ELFN1: variants seen among roughly 807,000 people sequenced by gnomAD.
The protein encoded by ELFN1 is extracellular leucine rich repeat and fibronectin type III domain containing 1.
Under a neutral mutation model 7.6 loss-of-function variants are expected in ELFN1, and 6 were observed. That is an observed-to-expected ratio of 0.79 (90% CI 0.43 to 1.56). The LOEUF (loss-of-function observed/expected upper bound fraction) is 1.56. ELFN1 is among the 40% of genes most tolerant of loss of function. The probability of loss-of-function intolerance (pLI) is 0.01; values close to 1 mark genes in which losing one functional copy is unlikely to be tolerated. For synonymous variants in ELFN1, 657 were observed against 588.1 expected, an observed-to-expected ratio of 1.12 and a Z score of -1.70; for missense variants, 1,169 against 1,232.2, an observed-to-expected ratio of 0.95 and a Z score of 0.77.
At position 1,745,292 on chromosome 7, in the gene ELFN1, G is replaced by A. The variant is rs1248868507; in HGVS notation, c.696G>A (p.Leu232=). 3 of 1,538,616 alleles carry A rather than the reference G, an allele frequency of 1.9e-6. No homozygotes were observed. Among genetic ancestry groups the A allele is most frequent in the Admixed American group, 2.0e-5 (1 of 51,000 alleles). Residue 232 remains leucine (L), a synonymous_variant, in exon 4 of 4, where the codon CTG becomes CTA. Transcript: ENST00000424383. ...SPPVYSGYYL[L]GQGRRGHRSI... is the part of the protein sequence containing the mutation. ...CCGTCTACTCCGGCTACTACCTCCT[G>A]GGCCAGGGCCGCCGCGGCCACCGCA...
At chr7:1,713,028 G>A (rs1255354700) in intron 3 of ELFN1, among the ~76,000 whole-genome samples, 1 of 152,220 alleles carries the variant, frequency 6.6e-6, no homozygotes, top group Non-Finnish European at 1.5e-5. Context: ...CACCGATGCT[G>A]CATCCATGTT....
intron 2 of ELFN1, chr7:1,693,799 C>T (rs1779234910): frequency 2.1e-6 from 1 of 470,156 alleles, no homozygotes; most frequent in Non-Finnish European, 4.4e-6. Flanking sequence ...GGGTGCGGGA[C>T]ACGTGGGATG....
chr7:1,679,071 A>G (rs189015068), intron 1 of ELFN1, among the ~76,000 whole-genome samples: 3 of 152,094 alleles, frequency 2.0e-5, no homozygotes, highest in Non-Finnish European at 4.4e-5. Context: ...CACACTAATG[A>G]TTATGCCCGT....
Position 1,705,398 on chromosome 7 carries a change from G to A in ELFN1, c.-455-3693G>A, listed in dbSNP as rs965910772. ...CTTCATTTTTCCAACCCTCTCACCC[G>A]GACATTTGCAAGTTGATGAGTTGTT... On this transcript the variant is annotated intron_variant, in intron 2 of 3. Coordinates refer to ENST00000424383, the MANE Select transcript of ELFN1 (RefSeq NM_001128636.4). The surrounding 1 kb of genome is among the most constrained non-coding windows in gnomAD (Gnocchi z 4.3). 9.9e-5 allele frequency among the ~76,000 whole-genome samples: 15 copies of A among 152,242 alleles called. 1 individual carries two copies. The highest frequency in any genetic ancestry group is 3.1e-4 in the African/African-American group (13 of 41,462).
chr7:1,717,709 C>T (rs972142470), intron 3 of ELFN1, among the ~76,000 whole-genome samples: 2 of 152,014 alleles, frequency 1.3e-5, no homozygotes, highest in East Asian at 1.9e-4. Context: ...AGGGTGCTTT[C>T]GGGTATGAGA....
chr7:1,688,031 A>ATTTTTTTTTT (rs35887249), intron 1 of ELFN1, 27 bp from the exon 2 acceptor site: 1 of 130,584 alleles, frequency 7.7e-6, no homozygotes, highest in South Asian at 2.4e-4. Context: ...TGCCTGGCTA[A>ATTTTTTTTTT]TTTTTTTTTT....
chr7:1,671,605 C>G (rs1364082296), intron 1 of ELFN1, among the ~76,000 whole-genome samples: 1 of 152,244 alleles, frequency 6.6e-6, no homozygotes, highest in African/African-American at 2.4e-5. Flanking sequence ...CCCCAGCCTC[C>G]AAAGAGGTCC....
At chr7:1,704,000 G>T (rs1205386225) in intron 2 of ELFN1, among the ~76,000 whole-genome samples, 1 of 152,222 alleles carries the variant, frequency 6.6e-6, no homozygotes, top group African/African-American at 2.4e-5. Flanking sequence ...TCAGCAAGAG[G>T]TGTCACTGCG....
In ELFN1 at chr7:1,746,203, G is replaced by T. The variant is rs758094969; in HGVS notation, c.1607G>T (p.Arg536Leu). The change falls in exon 4 of 4, where the codon CGC (arginine) becomes CTC (leucine). Residue 536 changes from arginine (R) to leucine (L), a missense_variant. By Grantham distance (102) the Arg-to-Leu change is moderately radical. Transcript: ENST00000424383. ...GTTCGAACCGGGGACCCTCCGGAACGCAGGGACTGTGAGCTGGGCCGGCCG... is the reference window on the plus strand; with the variant it reads ...GTTCGAACCGGGGACCCTCCGGAACTCAGGGACTGTGAGCTGGGCCGGCCG... ...MEVRTGDPPE[R>L]RDCELGRPGP... 3.2e-6 allele frequency: 5 copies of T among 1,553,564 alleles called. No homozygotes were observed. Among genetic ancestry groups the T allele is most frequent in the Non-Finnish European group, 4.3e-6 (5 of 1,149,762 alleles).
Position 1,745,167 on chromosome 7 carries a change from C to T in ELFN1, c.571C>T (p.Pro191Ser), listed in dbSNP as rs1463520742. 6.5e-7 allele frequency: 1 copy of T among 1,549,202 alleles called. No homozygotes were observed. Among genetic ancestry groups the T allele is most frequent in the Admixed American group, 2.0e-5 (1 of 50,994 alleles). The change falls in exon 4 of 4, where the codon CCC (proline) becomes TCC (serine). Residue 191 changes from proline (P) to serine (S), a missense_variant. Around this residue, in one of 2 missense-constraint regions of ELFN1, gnomAD observed 255 missense variants for 359.6 expected, o/e 0.71. Transcript: ENST00000424383. ...GTCGGTGTGCGAGCTCTACAGCAAC[C>T]CCTTCTACTGCTCCTGCGAGCTGCT... ...KLSVCELYSN[P>S]FYCSCELLGF...
Position 1,745,800 on chromosome 7 carries a change from C to G in ELFN1, c.1204C>G (p.Leu402Val). The G allele has an allele frequency of 6.4e-7, 1 of 1,558,838 alleles. No individual in the cohort carries two copies. The highest frequency in any genetic ancestry group is 8.7e-7 in the Non-Finnish European group (1 of 1,153,244). Residue 402 changes from leucine to valine, a missense_variant, in exon 4 of 4, where the codon CTG becomes GTG. Leu to Val is a conservative substitution (Grantham distance 32). Around this residue, in one of 2 missense-constraint regions of ELFN1, gnomAD observed 914 missense variants for 872.6 expected, o/e 1.05. Coordinates refer to ENST00000424383, the MANE Select transcript of ELFN1 (RefSeq NM_001128636.4). ...CTGCCTCACCATCTGCTTGCCCCGG[C>G]TGCCCAGCCCGCCTGGTCCGGTGCC... ...HTCLTICLPR[L>V]PSPPGPVPSP...
chr7:1,690,285 AGGTGGATG>A (rs1313284046), intron 2 of ELFN1, among the ~76,000 whole-genome samples: 2 of 147,570 alleles, frequency 1.4e-5, no homozygotes, highest in South Asian at 2.3e-4. Flanking sequence ...GTAGGTGGAT[AGGTGGATG>A]GGTGGATGGG....
In ELFN1 at chr7:1,745,610, G is replaced by A. The variant is rs747413134; in HGVS notation, c.1014G>A (p.Pro338=). 333 of 1,550,888 alleles carry A rather than the reference G, an allele frequency of 2.1e-4. No homozygotes were observed. Among genetic ancestry groups the A allele is most frequent in the Non-Finnish European group, 2.8e-4 (318 of 1,146,974 alleles). ...CCATCACCGTCCAGCTGCCCAGCCC[G>A]TTCCACCGGATGTACACCCTGGAGC... ...SATITVQLPS[P]FHRMYTLEHF... The change falls in exon 4 of 4, where the codon CCG becomes CCA. Residue 338 remains proline, a synonymous_variant. Coordinates refer to ENST00000424383, the MANE Select transcript of ELFN1 (RefSeq NM_001128636.4).
chr7:1,725,993 G>A (rs1474849784), intron 3 of ELFN1, among the ~76,000 whole-genome samples: 1 of 151,742 alleles, frequency 6.6e-6, no homozygotes. Context: ...ACATAGTACA[G>A]TCTTACCCCA....
upstream of ELFN1, among the ~76,000 whole-genome samples, chr7:1,666,246 T>C (rs567206556): frequency 1.4e-5 from 2 of 147,390 alleles, no homozygotes; most frequent in Non-Finnish European, 3.0e-5. The surrounding 1 kb of genome is among the most constrained non-coding windows in gnomAD (Gnocchi z 7.9). Context: ...GATCGGAGGG[T>C]CCCCGCCCCT....
chr7:1,731,974 A>T (rs1166516228), intron 3 of ELFN1, among the ~76,000 whole-genome samples: 1 of 152,194 alleles, frequency 6.6e-6, no homozygotes, highest in Non-Finnish European at 1.5e-5. Context: ...ATAGGCAGCT[A>T]TGGAGTTAAT....
chr7:1,693,040 T>G, intron 2 of ELFN1: 1 of 292,766 alleles, frequency 3.4e-6, no homozygotes, highest in South Asian at 3.5e-5. Context: ...TGGGCGCAGG[T>G]CAGCCTCTCC....
rs111265614 is a variant in ELFN1 at position 1,672,066 on chromosome 7, G to A, written c.-549+1712G>A. 2.1e-3 allele frequency among the ~76,000 whole-genome samples: 323 copies of A among 152,292 alleles called. 2 individuals are homozygous for A. Among genetic ancestry groups the A allele is most frequent in the African/African-American group, 7.3e-3 (303 of 41,558 alleles). On this transcript the variant is annotated intron_variant, in intron 1 of 3. Coordinates refer to ENST00000424383, the MANE Select transcript of ELFN1 (RefSeq NM_001128636.4). ...CTGTGCAGCCCCCTCCTCCTCGGCC[G>A]CAGCAGGACTGCTGTGTGCGTATAA... is the stretch of plus-strand genomic sequence containing the variant.
At chr7:1,743,461 C>T (rs1562389377) in intron 3 of ELFN1, among the ~76,000 whole-genome samples, 2 of 152,198 alleles carry the variant, frequency 1.3e-5, no homozygotes, top group Admixed American at 6.5e-5. Flanking sequence ...GGGAGGTGGC[C>T]CCTATCCACC....
Sources: allele counts gnomAD v4.1 joint callset (sites outside exome capture counted in the v4.1 genomes callset), GRCh38; gene constraint gnomAD v4.1.1; regional missense constraint gnomAD v4.1.1; non-coding constraint Gnocchi (gnomAD v3.1); transcripts MANE v1.5; gene names NCBI Gene and HGNC (gene_info 2026-07-23, HGNC 2026-07-21).